LRBA: variants seen among roughly 807,000 people sequenced by gnomAD.
The protein encoded by LRBA is lipopolysaccharide-responsive and beige-like anchor protein.
LRBA carries 176 observed loss-of-function variants against 330.0 expected under a neutral mutation model. The observed-to-expected ratio is 0.53, with a 90% CI of 0.47 to 0.60. The LOEUF is 0.60. Among genes scored for constraint, LRBA ranks in the 20% least tolerant of loss-of-function variants. The probability of loss-of-function intolerance (pLI) is 0.00; values close to 1 mark genes in which losing one functional copy is unlikely to be tolerated. For synonymous variants in LRBA, 1,230 were observed against 1,193.0 expected (o/e 1.03, Z -0.64); for missense variants, 3,259 against 3,444.8 (o/e 0.95, Z 1.35).
chr4:150,891,932 A>C (rs1223812925), intron 17 of LRBA, among the ~76,000 whole-genome samples: 1 of 152,164 alleles, frequency 6.6e-6, no homozygotes, highest in Non-Finnish European at 1.5e-5. Flanking sequence ...CTCTACAAAA[A>C]ACTTTTAAAA....
chr4:150,788,491 T>C (rs1281396932), intron 34 of LRBA, among the ~76,000 whole-genome samples: 1 of 151,966 alleles, frequency 6.6e-6, no homozygotes, highest in Admixed American at 6.6e-5. Flanking sequence ...AAATAAGTAA[T>C]AGAATAAAAA....
At chr4:150,818,787 T>C (rs1270468304) in intron 30 of LRBA, among the ~76,000 whole-genome samples, 1 of 152,058 alleles carries the variant, frequency 6.6e-6, no homozygotes, top group Non-Finnish European at 1.5e-5. Context: ...AGTTTACTCA[T>C]ACTGTAAGTA....
chr4:150,354,321 G>A (rs940856521), intron 47 of LRBA, among the ~76,000 whole-genome samples: 1 of 152,036 alleles, frequency 6.6e-6, no homozygotes, highest in Non-Finnish European at 1.5e-5. Flanking sequence ...CCAGTGGAAT[G>A]CTGAGCATTT....
intron 20 of LRBA, 60 bp from the exon 21 acceptor site, chr4:150,868,365 G>T (rs892738564): frequency 2.4e-6 from 3 of 1,256,638 alleles, no homozygotes; most frequent in Non-Finnish European, 3.3e-6. Context: ...ATGATAGAAG[G>T]TCATCCATCT....
At chr4:150,779,347 TTTTTA>T (rs1737850652) in intron 34 of LRBA, among the ~76,000 whole-genome samples, 2 of 152,096 alleles carry the variant, frequency 1.3e-5, no homozygotes, top group African/African-American at 2.4e-5. Context: ...TCTATTTTAA[TTTTTA>T]TTTTATTTTA....
At chr4:150,269,741 G>A (rs1745820557) in intron 56 of LRBA, among the ~76,000 whole-genome samples, 1 of 152,108 alleles carries the variant, frequency 6.6e-6, no homozygotes, top group African/African-American at 2.4e-5. Context: ...TTGAGCCCAG[G>A]AGTTTAAGAC....
chr4:150,443,222 A>C (rs531590267), intron 44 of LRBA, among the ~76,000 whole-genome samples: 5 of 152,280 alleles, frequency 3.3e-5, no homozygotes, highest in Admixed American at 2.0e-4. Context: ...GGATGTAGAG[A>C]AATAGGAATA....
chr4:150,442,172 T>C lies in LRBA; in HGVS notation c.6781-5308A>G, dbSNP rs1751929284. 2.6e-5 allele frequency among the ~76,000 whole-genome samples: 4 copies of C among 152,298 alleles called. No homozygotes were observed. In the South Asian group the frequency reaches 8.3e-4, roughly 32 times the overall value. ...ATTTGCTTGTGTTAGCTAACTTCTC[T>C]TTTAAAACCCAAAAGTCTCAAGGGA... is the stretch of plus-strand genomic sequence containing the variant. On this transcript the variant is annotated intron_variant, in intron 44 of 56. Transcript: ENST00000651943.
At position 150,544,827 on chromosome 4, in the gene LRBA, T is replaced by C. The variant is rs139873622; in HGVS notation, c.6330+43221A>G. 3.8e-3 allele frequency among the ~76,000 whole-genome samples: 586 copies of C among 152,322 alleles called. 5 individuals carry two copies. The highest frequency in any genetic ancestry group is 0.013 in the African/African-American group (553 of 41,578). On this transcript the variant is annotated intron_variant, in intron 40 of 56. Transcript: ENST00000651943. Reference sequence around the variant, plus strand: ...GCATTGCAACATTCAGTTAAAATACTCTCTTCCATCGTTATAAATTCCTTC... The same window carrying C: ...GCATTGCAACATTCAGTTAAAATACCCTCTTCCATCGTTATAAATTCCTTC...
At chr4:150,874,110 T>A (rs1753743158) in intron 17 of LRBA, among the ~76,000 whole-genome samples, 1 of 152,190 alleles carries the variant, frequency 6.6e-6, no homozygotes, top group African/African-American at 2.4e-5. Flanking sequence ...TTTTTTGAGT[T>A]TTTTTCCCCA....
chr4:150,512,218 T>G lies in LRBA; in HGVS notation c.6331-21183A>C, dbSNP rs138042527. ...GCGAACTGTGTATTTCAGCCCCTGG[T>G]AAGGGCATTGGGGAGGCCATAATCA... On this transcript the variant is annotated intron_variant, in intron 40 of 56. Coordinates refer to ENST00000651943, the MANE Select transcript of LRBA (RefSeq NM_001364905.1). Among the ~76,000 whole-genome samples the G allele has an allele frequency of 1.6e-3, 248 of 152,312 alleles. 1 individual carries two copies. The highest frequency in any genetic ancestry group is 2.5e-3 in the Admixed American group (39 of 15,298).
chr4:150,781,734 C>A (rs1738250539), intron 34 of LRBA, among the ~76,000 whole-genome samples: 1 of 152,130 alleles, frequency 6.6e-6, no homozygotes, highest in Admixed American at 6.5e-5. Flanking sequence ...ATTTCACCTC[C>A]ATTAGAAATC....
At chr4:150,964,840 T>TA (rs974452725) in intron 2 of LRBA, among the ~76,000 whole-genome samples, 6 of 151,778 alleles carry the variant, frequency 4.0e-5, no homozygotes, top group South Asian at 4.2e-4. Context: ...ATAAAAAAAT[T>TA]AAAAAAAATG....
intron 43 of LRBA, among the ~76,000 whole-genome samples, 164 bp downstream of exon 43, chr4:150,471,460 A>G (rs548260723): frequency 5.9e-5 from 9 of 152,328 alleles, no homozygotes; most frequent in East Asian, 1.9e-4. Context: ...AATGACTTCT[A>G]TGAGAGTAAG....
intron 34 of LRBA, among the ~76,000 whole-genome samples, chr4:150,774,892 G>A (rs769073099): frequency 2.0e-5 from 3 of 152,072 alleles, no homozygotes; most frequent in Non-Finnish European, 2.9e-5. Flanking sequence ...ACTTTTCTGC[G>A]TATACAGGTA....
chr4:150,617,449 C>T (rs1267538264), intron 37 of LRBA, among the ~76,000 whole-genome samples: 1 of 152,056 alleles, frequency 6.6e-6, no homozygotes, highest in Non-Finnish European at 1.5e-5. Flanking sequence ...TGGGACCAGG[C>T]TGGCCAACAT....
intron 17 of LRBA, among the ~76,000 whole-genome samples, chr4:150,883,784 G>T (rs549170976): frequency 6.6e-6 from 1 of 151,918 alleles, no homozygotes; most frequent in Non-Finnish European, 1.5e-5. Flanking sequence ...ATTTAAATGG[G>T]ACTAAATCTT....
In LRBA at chr4:150,852,274, C is replaced by T; in HGVS notation, c.3436G>A (p.Asp1146Asn). ...PAASEAGEKL[D>N]MFGNDDKLIF... Reference sequence around the variant, plus strand: ...AATTTGTCATCATTACCAAACATGTCCAGTTTTTCACCGGCTTCAGATGCA... The same window carrying T: ...AATTTGTCATCATTACCAAACATGTTCAGTTTTTCACCGGCTTCAGATGCA... The change falls in exon 23 of 57, where the codon GAC (aspartate) becomes AAC (asparagine). Residue 1146 changes from aspartate (D) to asparagine (N), a missense_variant. Transcript: ENST00000651943. The T allele has an allele frequency of 6.2e-7, 1 of 1,614,112 alleles. No homozygotes were observed. The highest frequency in any genetic ancestry group is 1.1e-5 in the South Asian group (1 of 91,076).
At chr4:150,462,539 A>G (rs1754906011) in intron 44 of LRBA, among the ~76,000 whole-genome samples, 1 of 151,784 alleles carries the variant, frequency 6.6e-6, no homozygotes, top group Non-Finnish European at 1.5e-5. Flanking sequence ...CAGAAAAATA[A>G]TACAGAAGAA....
Sources: allele counts gnomAD v4.1 joint callset (sites outside exome capture counted in the v4.1 genomes callset), GRCh38; gene constraint gnomAD v4.1.1; transcripts MANE v1.5; gene names NCBI Gene and HGNC (gene_info 2026-07-23, HGNC 2026-07-21).